Variants in ZBTB40 observed in about 807,000 individuals in gnomAD.
The protein encoded by ZBTB40 is zinc finger and BTB domain-containing protein 40.
Under a neutral mutation model 117.5 loss-of-function variants are expected in ZBTB40, and 60 were observed. The observed-to-expected ratio is 0.51, with a 90% CI of 0.41 to 0.63. The LOEUF is 0.63. Among genes scored for constraint, ZBTB40 ranks in the 30% least tolerant of loss-of-function variants. The pLI is 0.00. For missense variants in ZBTB40, 1,287 were observed against 1,498.5 expected, an observed-to-expected ratio of 0.86 and a Z score of 2.33; for synonymous variants, 525 against 577.1, an observed-to-expected ratio of 0.91 and a Z score of 1.29.
chr1:22,474,591 T>C (rs1641510291), intron 1 of ZBTB40, among the ~76,000 whole-genome samples: 1 of 152,222 alleles, frequency 6.6e-6, no homozygotes, highest in Non-Finnish European at 1.5e-5. Context: ...CATTTCTTGT[T>C]TCTGAATGTG....
chr1:22,463,814 G>A (rs1557485516), intron 1 of ZBTB40, among the ~76,000 whole-genome samples: 2 of 152,212 alleles, frequency 1.3e-5, no homozygotes, highest in African/African-American at 4.8e-5. Flanking sequence ...TGAACATTTT[G>A]ATATTTTGCC....
chr1:22,490,721 T>G, intron 2 of ZBTB40, 76 bp downstream of exon 2: 1 of 1,545,356 alleles, frequency 6.5e-7, no homozygotes, highest in Non-Finnish European at 8.7e-7. Flanking sequence ...ATTAATAAAT[T>G]TATCAAAGAC....
intron 1 of ZBTB40, among the ~76,000 whole-genome samples, chr1:22,486,654 G>C (rs555397648): frequency 6.6e-6 from 1 of 152,168 alleles, no homozygotes; most frequent in East Asian, 1.9e-4. Flanking sequence ...CCAGTGATTC[G>C]ATTGCAGTTC....
chr1:22,519,060 A>G (rs1639451244), intron 13 of ZBTB40, among the ~76,000 whole-genome samples: 1 of 152,174 alleles, frequency 6.6e-6, no homozygotes, highest in Non-Finnish European at 1.5e-5. Flanking sequence ...AGCTGCATCA[A>G]AGTGTCTTAG....
intron 1 of ZBTB40, among the ~76,000 whole-genome samples, chr1:22,456,837 C>T (rs1641015611): frequency 6.6e-6 from 1 of 152,192 alleles, no homozygotes; most frequent in South Asian, 2.1e-4. Context: ...ATTGTCTAGG[C>T]AACCTCGTTA....
chr1:22,500,696 G>A (rs769150726), intron 3 of ZBTB40, among the ~76,000 whole-genome samples: 24 of 152,198 alleles, frequency 1.6e-4, no homozygotes, highest in Non-Finnish European at 3.2e-4. Context: ...TTGTATAAAC[G>A]TTGGTTAGGG....
At chr1:22,521,794 C>CT in intron 15 of ZBTB40, 136 bp downstream of exon 15, 1 of 1,281,598 alleles carries the variant, frequency 7.8e-7, no homozygotes, top group Non-Finnish European at 1.1e-6. Context: ...CCCAGCGCAC[C>CT]TGTCCGTAGC....
At position 22,526,935 on chromosome 1, in the gene ZBTB40, A is replaced by C. The variant is rs150893308; in HGVS notation, c.*539A>C. 83 of 210,970 alleles carry C rather than the reference A, an allele frequency of 3.9e-4. No homozygotes were observed. Among genetic ancestry groups the C allele is most frequent in the Non-Finnish European group, 6.3e-4 (65 of 102,948 alleles). 13.1% of individuals were successfully genotyped at this position (210,970 alleles called of 1,614,324 possible). On this transcript the variant is annotated 3_prime_UTR_variant, in exon 18 of 18. Transcript: ENST00000375647. ...GCCCCTTCCTCGGTCCTATCATCCT[A>C]CCCTCTGCTGGGGTTCCCCCTCCAC...
rs1385850703 is a variant in ZBTB40 at position 22,511,867 on chromosome 1, G to A, written c.2194G>A (p.Ala732Thr). Residue 732 changes from alanine to threonine, a missense_variant, in exon 11 of 18, where the codon GCC (alanine) becomes ACC (threonine). Around this residue, in one of 2 missense-constraint regions of ZBTB40, gnomAD observed 870 missense variants for 934.4 expected, o/e 0.93. Coordinates refer to ENST00000375647, the MANE Select transcript of ZBTB40 (RefSeq NM_014870.4). Reference sequence around the variant, plus strand: ...AGAGGCTTCAGCCTCCCCAGACCCTGCCAAGAAGAGCTTCATCTGTAAGGC... The same window carrying A: ...AGAGGCTTCAGCCTCCCCAGACCCTACCAAGAAGAGCTTCATCTGTAAGGC... ...EKEASASPDP[A>T]KKSFICKACD... is the part of the protein sequence containing the mutation. 6.2e-7 allele frequency: 1 copy of A among 1,614,048 alleles called. No individual in the cohort carries two copies. The highest frequency in any genetic ancestry group is 1.3e-5 in the African/African-American group (1 of 74,922).
chr1:22,445,866 A>C (rs961579779), intron 1 of ZBTB40, among the ~76,000 whole-genome samples: 24 of 152,096 alleles, frequency 1.6e-4, no homozygotes, highest in East Asian at 5.8e-4. Context: ...AAAAAAAAAA[A>C]AAAACAAAAA....
intron 1 of ZBTB40, among the ~76,000 whole-genome samples, chr1:22,441,917 C>T (rs183053864): frequency 2.6e-4 from 39 of 152,180 alleles, no homozygotes; most frequent in African/African-American, 9.2e-4. Context: ...CATAAATTTA[C>T]CTCTTAACAA....
rs775410845 is a variant in ZBTB40, at chr1:22,489,900, A to G, written c.-49A>G. ...TCTAGGGCCTGTCCTCCCAAAGCCA[A>G]CTCTAAGGAGAGGAGAGGAAGAGCA... On this transcript the variant is annotated 5_prime_UTR_variant, in exon 2 of 18. Transcript: ENST00000375647. 6.3e-7 allele frequency: 1 copy of G among 1,585,448 alleles called. No individual in the cohort carries two copies. Among genetic ancestry groups the G allele is most frequent in the Non-Finnish European group, 8.6e-7 (1 of 1,164,646 alleles).
intron 5 of ZBTB40, among the ~76,000 whole-genome samples, chr1:22,502,707 A>G (rs1638973285): frequency 6.6e-6 from 1 of 151,842 alleles, no homozygotes. Context: ...GGACAGTTGG[A>G]CAGATGGATG....
intron 1 of ZBTB40, among the ~76,000 whole-genome samples, chr1:22,439,582 A>G (rs1640709082): frequency 3.9e-5 from 6 of 152,220 alleles, no homozygotes; most frequent in Admixed American, 3.3e-4. Flanking sequence ...CATTTGCTGA[A>G]AAGAAACTAT....
At chr1:22,476,365 C>T (rs1641548807) in intron 1 of ZBTB40, among the ~76,000 whole-genome samples, 1 of 152,146 alleles carries the variant, frequency 6.6e-6, no homozygotes, top group Non-Finnish European at 1.5e-5. Flanking sequence ...ACTACAGTCA[C>T]ATGCCACTAC....
intron 1 of ZBTB40, among the ~76,000 whole-genome samples, chr1:22,487,597 A>G (rs1387039950): frequency 6.6e-6 from 1 of 151,944 alleles, no homozygotes; most frequent in Non-Finnish European, 1.5e-5. Context: ...CATGACAGCT[A>G]TACTTTGCAA....
Position 22,526,748 on chromosome 1 carries a change from G to T in ZBTB40, c.*352G>T, listed in dbSNP as rs1177947415. The T allele has an allele frequency of 2.9e-6, 1 of 348,368 alleles. No homozygotes were observed. The highest frequency in any genetic ancestry group is 2.1e-5 in the African/African-American group (1 of 46,988). 21.6% of individuals were successfully genotyped at this position (348,368 alleles called of 1,614,324 possible). On this transcript the variant is annotated 3_prime_UTR_variant, in exon 18 of 18. Coordinates refer to ENST00000375647, the MANE Select transcript of ZBTB40 (RefSeq NM_014870.4). ...GCTGGTGACCAGGGTACCCCAGGAG[G>T]CATGATGTGCCGACAGCGCTCAGTG...
At position 22,467,331 on chromosome 1, in the gene ZBTB40, C is replaced by T. The variant is rs377511987; in HGVS notation, c.-70+15327C>T. Among the ~76,000 whole-genome samples the T allele has an allele frequency of 5.9e-5, 9 of 152,262 alleles. No homozygotes were observed. In the East Asian group the frequency reaches 1.2e-3, roughly 20 times the overall value. ...CTGCAAATTCTCGAGTCTCTAAGGA[C>T]ATTTTTATAGCTTTAGATGAGCAGA... On this transcript the variant is annotated intron_variant, in intron 1 of 17. Transcript: ENST00000375647.
At chr1:22,516,138 A>G (rs760785296) in intron 12 of ZBTB40, among the ~76,000 whole-genome samples, 1 of 152,132 alleles carries the variant, frequency 6.6e-6, no homozygotes, top group Non-Finnish European at 1.5e-5. Context: ...AACTGAGTGA[A>G]TGATGCTGCC....
Sources: gnomAD v4.1 joint callset for allele counts (sites outside exome capture counted in the v4.1 genomes callset) on GRCh38, gnomAD v4.1.1 for gene constraint, gnomAD v4.1.1 regional missense constraint, MANE v1.5 for transcripts, NCBI Gene and HGNC (gene_info 2026-07-23, HGNC 2026-07-21) for gene names.